Variants in ZNF571 observed in about 807,000 individuals in gnomAD.
The protein encoded by ZNF571 is zinc finger protein 571.
Under a neutral mutation model 7.7 loss-of-function variants are expected in ZNF571, and 4 were observed. The ratio of observed to expected loss-of-function variants is 0.52; its 90% CI spans 0.25 to 1.18. The LOEUF is 1.18. Among genes scored for constraint, ZNF571 ranks in the 50% most tolerant of loss-of-function variants. The pLI is 0.14. For synonymous variants in ZNF571, 251 were observed against 232.4 expected, an observed-to-expected ratio of 1.08 and a Z score of -0.73; for missense variants, 704 against 726.9, an observed-to-expected ratio of 0.97 and a Z score of 0.36.
chr19:37,572,119 A>AT (rs1450034113), intron 3 of ZNF571, among the ~76,000 whole-genome samples: 1 of 152,210 alleles, frequency 6.6e-6, no homozygotes, highest in African/African-American at 2.4e-5. Context: ...ATACTCTCAT[A>AT]TTTATACATC....
At chr19:37,585,441 TAAG>T (rs1045125638) in intron 2 of ZNF571, 5 of 152,220 alleles carry the variant, frequency 3.3e-5, no homozygotes, top group Admixed American at 2.6e-4. Flanking sequence ...ACCAGCCTGA[TAAG>T]AATAGGCTGA....
intron 2 of ZNF571, chr19:37,584,302 C>T: frequency 1.7e-6 from 1 of 583,408 alleles, no homozygotes. Flanking sequence ...ATTCCATTAT[C>T]CAGAAAGGTC....
At chr19:37,579,948 G>A (rs2147187741) in intron 3 of ZNF571, among the ~76,000 whole-genome samples, 1 of 152,066 alleles carries the variant, frequency 6.6e-6, no homozygotes, top group Non-Finnish European at 1.5e-5. Flanking sequence ...CTCACATATT[G>A]CTACCTATTA....
chr19:37,591,608 A>T (rs997186862), intron 1 of ZNF571, among the ~76,000 whole-genome samples: 21 of 152,192 alleles, frequency 1.4e-4, no homozygotes, highest in Non-Finnish European at 2.6e-4. Context: ...GCAATGGCGC[A>T]ATCTCGGCTC....
At chr19:37,584,280 T>A in intron 2 of ZNF571, 183 bp from the exon 3 acceptor site, 1 of 672,942 alleles carries the variant, frequency 1.5e-6, no homozygotes, top group Non-Finnish European at 2.4e-6. Flanking sequence ...ACTTCCTCTG[T>A]ACAATAGAAC....
chr19:37,565,575 C>T lies in ZNF571; in HGVS notation c.853G>A (p.Gly285Arg), dbSNP rs757481842. ...GEKPYECKDC[G>R]KAFILGSQLT... ...TGAGAGCCAAGAATAAAGGCCTTCC[C>T]ACAATCCTTACATTCATAGGGTTTT... Residue 285 changes from glycine (G) to arginine (R), a missense_variant, in exon 4 of 4, where the codon GGG becomes AGG. Gly to Arg is a moderately radical substitution (Grantham distance 125). Coordinates refer to ENST00000451802, the MANE Select transcript of ZNF571 (RefSeq NM_016536.5). The T allele has an allele frequency of 3.8e-5, 61 of 1,612,616 alleles. No individual in the cohort carries two copies. The highest frequency in any genetic ancestry group is 4.6e-5 in the Non-Finnish European group (54 of 1,179,600).
At position 37,569,026 on chromosome 19, in the gene ZNF571, A is replaced by T. The variant is rs1329026149; in HGVS notation, c.137-2735T>A. Among the ~76,000 whole-genome samples the T allele has an allele frequency of 1.3e-5, 2 of 151,500 alleles. No homozygotes were observed. The highest frequency in any genetic ancestry group is 4.9e-5 in the African/African-American group (2 of 41,188). ...GGCTGGAGTGCAGTCGTGCCATCTC[A>T]GCTCACTGCAACCTCCGCCTCCAGG... On this transcript the variant is annotated intron_variant, in intron 3 of 3. Transcript: ENST00000451802. The surrounding 1 kb of genome is among the most constrained non-coding windows in gnomAD (Gnocchi z 4.4).
chr19:37,578,721 C>G (rs2043335939), intron 3 of ZNF571, among the ~76,000 whole-genome samples: 1 of 151,874 alleles, frequency 6.6e-6, no homozygotes, highest in Non-Finnish European at 1.5e-5. Flanking sequence ...CCACATTCCC[C>G]CAGGAACCTC....
chr19:37,572,433 A>G (rs1040468095), intron 3 of ZNF571, among the ~76,000 whole-genome samples: 1 of 152,242 alleles, frequency 6.6e-6, no homozygotes, highest in Non-Finnish European at 1.5e-5. Flanking sequence ...GACATGAATC[A>G]TCCCTCTGAC....
chr19:37,582,773 T>C (rs1361129915), intron 3 of ZNF571, among the ~76,000 whole-genome samples: 1 of 152,202 alleles, frequency 6.6e-6, no homozygotes, highest in Non-Finnish European at 1.5e-5. Context: ...TAGCCTGTTC[T>C]CATCACCTCC....
At chr19:37,580,468 CAAT>C (rs2043415780) in intron 3 of ZNF571, among the ~76,000 whole-genome samples, 1 of 152,208 alleles carries the variant, frequency 6.6e-6, no homozygotes, top group South Asian at 2.1e-4. Context: ...CATGCCATGA[CAAT>C]AACTACACTG....
chr19:37,572,945 C>T (rs533912332), intron 3 of ZNF571, among the ~76,000 whole-genome samples: 1 of 152,196 alleles, frequency 6.6e-6, no homozygotes, highest in African/African-American at 2.4e-5. Context: ...TTAAAACTGA[C>T]ACTCAGCTTT....
At chr19:37,576,910 C>CT (rs1049485797) in intron 3 of ZNF571, among the ~76,000 whole-genome samples, 22 of 151,118 alleles carry the variant, frequency 1.5e-4, no homozygotes, top group Non-Finnish European at 2.5e-4. Context: ...GCTTATATCC[C>CT]TTTTTTTTTG....
intron 3 of ZNF571, among the ~76,000 whole-genome samples, chr19:37,573,540 AAC>A (rs983625568): frequency 6.6e-5 from 10 of 152,150 alleles, no homozygotes; most frequent in African/African-American, 2.2e-4. Context: ...TTGAAAATAA[AAC>A]ACAGTGGGGT....
chr19:37,583,275 T>C (rs1261748917), intron 3 of ZNF571, among the ~76,000 whole-genome samples: 1 of 152,192 alleles, frequency 6.6e-6, no homozygotes, highest in African/African-American at 2.4e-5. Flanking sequence ...GAGATACTTA[T>C]CCAAGTTTAA....
At chr19:37,593,125 G>GT (rs767668305) in intron 1 of ZNF571, among the ~76,000 whole-genome samples, 1,895 of 146,316 alleles carry the variant, frequency 0.013, 23 homozygotes, top group African/African-American at 0.024. Context: ...CTTATTGTTA[G>GT]TTTTTTTTTT....
chr19:37,572,986 C>T (rs1016473038), intron 3 of ZNF571, among the ~76,000 whole-genome samples: 8 of 152,268 alleles, frequency 5.3e-5, no homozygotes, highest in African/African-American at 1.4e-4. Context: ...AATATTTGTA[C>T]TAGTAGCTTC....
intron 3 of ZNF571, among the ~76,000 whole-genome samples, chr19:37,582,890 C>T (rs1443547264): frequency 2.0e-5 from 3 of 152,216 alleles, no homozygotes; most frequent in African/African-American, 7.2e-5. Context: ...GTTCACATAG[C>T]ACTCAGTGAC....
intron 3 of ZNF571, among the ~76,000 whole-genome samples, chr19:37,578,118 GTT>G (rs1344754195): frequency 6.6e-6 from 1 of 152,168 alleles, no homozygotes; most frequent in Non-Finnish European, 1.5e-5. Flanking sequence ...AGGTGGAACA[GTT>G]TCATCCCCAA....
Sources: allele counts gnomAD v4.1 joint callset (sites outside exome capture counted in the v4.1 genomes callset), GRCh38; gene constraint gnomAD v4.1.1; non-coding constraint Gnocchi (gnomAD v3.1); transcripts MANE v1.5; gene names NCBI Gene and HGNC (gene_info 2026-07-23, HGNC 2026-07-21).